RFLNA: variants seen among roughly 807,000 people sequenced by gnomAD.
The protein encoded by RFLNA is refilin A, also known as refilin-A.
Under a neutral mutation model 7.8 loss-of-function variants are expected in RFLNA, and 5 were observed. That is an observed-to-expected ratio of 0.64 (90% CI 0.34 to 1.35). RFLNA has a LOEUF of 1.35. Among genes scored for constraint, RFLNA ranks in the 40% most tolerant of loss-of-function variants. The pLI is 0.04. For synonymous variants in RFLNA, 141 were observed against 131.3 expected (o/e 1.07, Z -0.50); for missense variants, 278 against 305.5 (o/e 0.91, Z 0.67).
intron 1 of RFLNA, among the ~76,000 whole-genome samples, chr12:124,308,836 G>A (rs530702003): frequency 5.6e-4 from 85 of 152,364 alleles, no homozygotes; most frequent in African/African-American, 1.9e-3. Flanking sequence ...CCGGCCCGCC[G>A]GCTGGAACCT....
At chr12:124,304,181 C>A (rs2034098221) in intron 1 of RFLNA, among the ~76,000 whole-genome samples, 1 of 152,262 alleles carries the variant, frequency 6.6e-6, no homozygotes, top group East Asian at 1.9e-4. Flanking sequence ...AAAGACGAAG[C>A]TGCGAGCCTC....
intron 1 of RFLNA, among the ~76,000 whole-genome samples, chr12:124,298,866 G>A (rs1371565494): frequency 1.3e-5 from 2 of 152,256 alleles, no homozygotes; most frequent in Non-Finnish European, 2.9e-5. Flanking sequence ...CATGTGCAAA[G>A]GTCCTGAGGC....
At position 124,314,518 on chromosome 12, in the gene RFLNA, C is replaced by A. The variant is rs760206157; in HGVS notation, c.644C>A (p.Thr215Lys). Residue 215 changes from threonine (T) to lysine (K), a missense_variant, in exon 3 of 3, where the codon ACG becomes AAG. Coordinates refer to ENST00000546355, the MANE Select transcript of RFLNA (RefSeq NM_001365156.1). ...DPAPSLLGPA[T>K]L is the part of the protein sequence containing the mutation. ...GCCCCCAGCCTCCTGGGCCCTGCCA[C>A]GCTCTGACGGGGCTGGGGCCGGCCC... 13 of 1,579,030 alleles carry A rather than the reference C, an allele frequency of 8.2e-6. No individual in the cohort carries two copies. The highest frequency in any genetic ancestry group is 1.0e-5 in the Non-Finnish European group (12 of 1,169,358).
intron 1 of RFLNA, among the ~76,000 whole-genome samples, chr12:124,301,161 G>A (rs2034030446): frequency 6.6e-6 from 1 of 152,182 alleles, no homozygotes; most frequent in African/African-American, 2.4e-5. Flanking sequence ...TTGCAGAAAG[G>A]GAGGCTGTGA....
chr12:124,296,718 G>C (rs2033936139), intron 1 of RFLNA, among the ~76,000 whole-genome samples: 1 of 152,182 alleles, frequency 6.6e-6, no homozygotes, highest in Admixed American at 6.5e-5. Flanking sequence ...TTCTTAGCCT[G>C]GTGGGTCCCA....
intron 1 of RFLNA, among the ~76,000 whole-genome samples, chr12:124,311,303 A>AT (rs1478221325): frequency 2.8e-5 from 3 of 106,220 alleles, no homozygotes; most frequent in African/African-American, 8.1e-5. Context: ...GTGCCCCTCG[A>AT]CAGGCCTGGC....
At chr12:124,293,829 A>G (rs2033858973), upstream of RFLNA, among the ~76,000 whole-genome samples, 1 of 152,052 alleles carries the variant, frequency 6.6e-6, no homozygotes. Context: ...TGTTCCCTCC[A>G]CATGGTGCGC....
At chr12:124,305,236 G>C (rs1274550302) in intron 1 of RFLNA, among the ~76,000 whole-genome samples, 2 of 152,226 alleles carry the variant, frequency 1.3e-5, no homozygotes, top group Non-Finnish European at 2.9e-5. Context: ...GGGAAAGGAG[G>C]ATCCCCCTTG....
rs1312554763 is a variant in RFLNA, at chr12:124,306,903, C to T, written c.208-4915C>T. On this transcript the variant is annotated intron_variant, in intron 1 of 2. Transcript: ENST00000546355. The surrounding 1 kb of genome is among the most constrained non-coding windows in gnomAD (Gnocchi z 5.2). Reference sequence around the variant, plus strand: ...CCAGCCCGATGTCCACCCTCCACTCCCTCTGCCCGAGGCCGGTGTGCATGT... The same window carrying T: ...CCAGCCCGATGTCCACCCTCCACTCTCTCTGCCCGAGGCCGGTGTGCATGT... Among the ~76,000 whole-genome samples, 1 of 152,154 alleles carries T rather than the reference C, an allele frequency of 6.6e-6. No homozygotes were observed. The highest frequency in any genetic ancestry group is 1.9e-4 in the East Asian group (1 of 5,172).
chr12:124,302,901 A>G (rs1485744243), intron 1 of RFLNA, among the ~76,000 whole-genome samples: 1 of 112,986 alleles, frequency 8.9e-6, no homozygotes, highest in Non-Finnish European at 2.0e-5. Flanking sequence ...GCAAGGCTCC[A>G]TGTGGCTTTC....
intron 1 of RFLNA, among the ~76,000 whole-genome samples, chr12:124,299,521 CT>C (rs1488278743): frequency 2.0e-5 from 3 of 152,196 alleles, no homozygotes; most frequent in African/African-American, 4.8e-5. Context: ...ACCCTTTCCC[CT>C]GAGTCCCCAA....
chr12:124,314,103 C>T, intron 2 of RFLNA, 89 bp from the exon 3 acceptor site: 3 of 1,484,946 alleles, frequency 2.0e-6, no homozygotes, highest in Non-Finnish European at 2.7e-6. Flanking sequence ...AGAGCATCTG[C>T]CCAGGGCCCT....
Position 124,315,160 on chromosome 12 carries a change from C to A in RFLNA, c.*635C>A, listed in dbSNP as rs1479494326. ...GATGCCAGCGCTGGAGGTGGTGATA[C>A]TGGGGGCGGGGAAGGCCTAGAAATA... On this transcript the variant is annotated 3_prime_UTR_variant, in exon 3 of 3. Transcript: ENST00000546355. The A allele has an allele frequency of 5.8e-6, 1 of 171,276 alleles. No homozygotes were observed. The highest frequency in any genetic ancestry group is 1.5e-4 in the East Asian group (1 of 6,478). 10.6% of individuals were successfully genotyped at this position (171,276 alleles called of 1,614,324 possible). A position where few individuals can be genotyped will look rare whatever the true frequency, so the allele number is the denominator to read the frequency against.
At chr12:124,291,841 C>T (rs1252208855), upstream of RFLNA, among the ~76,000 whole-genome samples, 6 of 152,146 alleles carry the variant, frequency 3.9e-5, no homozygotes, top group Non-Finnish European at 8.8e-5. Flanking sequence ...TGGGCTGGGG[C>T]TTGGGGTTAC....
At chr12:124,311,498 C>T (rs2034242516) in intron 1 of RFLNA, among the ~76,000 whole-genome samples, 1 of 152,248 alleles carries the variant, frequency 6.6e-6, no homozygotes, top group African/African-American at 2.4e-5. Flanking sequence ...CTCCAGGGCT[C>T]TGAGCCGGGC....
upstream of RFLNA, among the ~76,000 whole-genome samples, chr12:124,291,457 A>T (rs1313841926): frequency 6.6e-6 from 1 of 152,062 alleles, no homozygotes; most frequent in Admixed American, 6.5e-5. Context: ...GGGTTTCACC[A>T]TGTTGGTCAG....
chr12:124,301,151 T>A (rs1028420865), intron 1 of RFLNA, among the ~76,000 whole-genome samples: 22 of 152,138 alleles, frequency 1.4e-4, no homozygotes, highest in African/African-American at 4.8e-4. Context: ...AGAAGCCTGT[T>A]TGCAGAAAGG....
At chr12:124,298,550 C>A (rs1479742815) in intron 1 of RFLNA, among the ~76,000 whole-genome samples, 2 of 152,206 alleles carry the variant, frequency 1.3e-5, no homozygotes, top group Non-Finnish European at 2.9e-5. Context: ...TTGGTCCCCC[C>A]AGTACTTACT....
chr12:124,312,949 A>G (rs979510725), intron 2 of RFLNA, among the ~76,000 whole-genome samples: 2 of 152,072 alleles, frequency 1.3e-5, no homozygotes, highest in Admixed American at 1.3e-4. Context: ...CCACATATCT[A>G]TGGGGCTCTC....
Sources: allele counts gnomAD v4.1 joint callset (sites outside exome capture counted in the v4.1 genomes callset), GRCh38; gene constraint gnomAD v4.1.1; non-coding constraint Gnocchi (gnomAD v3.1); transcripts MANE v1.5; gene names NCBI Gene and HGNC (gene_info 2026-07-23, HGNC 2026-07-21).